VWC2: variants seen among roughly 807,000 people sequenced by gnomAD.
VWC2 encodes von Willebrand factor C domain containing 2, also known as brorin.
In VWC2, 14 loss-of-function variants were observed where a neutral mutation model predicts 29.8. That is an observed-to-expected ratio of 0.47 (90% CI 0.31 to 0.74). The LOEUF (loss-of-function observed/expected upper bound fraction) is 0.74, where lower values mean the gene tolerates loss of function less well. Among genes scored for constraint, VWC2 ranks in the 30% least tolerant of loss-of-function variants. The pLI is 0.05. For synonymous variants in VWC2, 213 were observed against 199.0 expected (o/e 1.07, Z -0.59); for missense variants, 457 against 459.8 (o/e 0.99, Z 0.05).
At chr7:49,877,884 T>C (rs1290482081) in intron 3 of VWC2, among the ~76,000 whole-genome samples, 2 of 152,122 alleles carry the variant, frequency 1.3e-5, no homozygotes, top group Non-Finnish European at 2.9e-5. Flanking sequence ...ATCATCTTCC[T>C]GACCTTGCAT....
chr7:49,822,836 G>A (rs1190803377), intron 3 of VWC2, among the ~76,000 whole-genome samples: 1 of 152,198 alleles, frequency 6.6e-6, no homozygotes, highest in East Asian at 1.9e-4. Flanking sequence ...GTTGTTGCCT[G>A]TATCAGTCCC....
chr7:49,824,231 C>T (rs750986786), intron 3 of VWC2, among the ~76,000 whole-genome samples: 47 of 152,088 alleles, frequency 3.1e-4, no homozygotes, highest in Non-Finnish European at 4.0e-4. Flanking sequence ...GTAATTTTAG[C>T]TCTCAGATTT....
chr7:49,911,932 C>CACACACACACAT (rs1262252383), intron 3 of VWC2, 102 bp from the exon 4 acceptor site: 5 of 846,168 alleles, frequency 5.9e-6, no homozygotes, highest in African/African-American at 1.8e-5. Flanking sequence ...CGCACACACA[C>CACACACACACAT]ACACACACAC....
At chr7:49,906,169 T>C (rs932260738) in intron 3 of VWC2, among the ~76,000 whole-genome samples, 3 of 152,196 alleles carry the variant, frequency 2.0e-5, no homozygotes, top group African/African-American at 7.2e-5. Context: ...CTTTACTCTA[T>C]GGACTCACCC....
intron 2 of VWC2, among the ~76,000 whole-genome samples, chr7:49,795,893 AG>A: frequency 6.6e-6 from 1 of 152,200 alleles, no homozygotes; most frequent in East Asian, 1.9e-4. Context: ...ATAGGGGTTA[AG>A]AACCTCAGTG....
intron 3 of VWC2, among the ~76,000 whole-genome samples, chr7:49,898,602 TAC>T (rs950143512): frequency 2.6e-5 from 4 of 151,938 alleles, no homozygotes; most frequent in Admixed American, 1.3e-4. Flanking sequence ...ATCATAAGCA[TAC>T]ACACACACAT....
Position 49,776,132 on chromosome 7 carries a change from G to C in VWC2, c.696+1G>C. The stretch of plus-strand genomic sequence containing the variant: ...CTATCAGACTTTGGAGGAGTTCGTG[G>C]TAAGATGCGAACGCCCGCCGGGCGA... On this transcript the variant is annotated splice_donor_variant, in intron 2 of 3. Coordinates refer to ENST00000340652, the MANE Select transcript of VWC2 (RefSeq NM_198570.5). LOFTEE classifies it high-confidence loss of function. 1 of 1,510,194 alleles carries C rather than the reference G, an allele frequency of 6.6e-7. No individual in the cohort carries two copies. 93.5% of individuals were successfully genotyped at this position (1,510,194 alleles called of 1,614,324 possible).
chr7:49,777,444 A>T (rs1788076624), intron 2 of VWC2, among the ~76,000 whole-genome samples: 1 of 152,062 alleles, frequency 6.6e-6, no homozygotes. Context: ...GTCAGGAAAC[A>T]TGGTTATTCA....
chr7:49,877,462 CAAAAA>C (rs1169480763), intron 3 of VWC2, among the ~76,000 whole-genome samples: 95 of 7,038 alleles, frequency 0.013, 4 homozygotes, highest in South Asian at 0.041. Flanking sequence ...AACTCTGTCT[CAAAAA>C]AAAAAAAAAA....
chr7:49,844,550 A>G (rs1329959001), intron 3 of VWC2, among the ~76,000 whole-genome samples: 2 of 152,202 alleles, frequency 1.3e-5, no homozygotes, highest in Non-Finnish European at 2.9e-5. Context: ...TGGGCCATAA[A>G]ATTGTAGCAA....
intron 3 of VWC2, among the ~76,000 whole-genome samples, chr7:49,845,434 C>T (rs903951604): frequency 3.3e-5 from 5 of 152,126 alleles, no homozygotes; most frequent in African/African-American, 1.2e-4. Flanking sequence ...TTATTACTAT[C>T]AATATATTAG....
intron 3 of VWC2, among the ~76,000 whole-genome samples, chr7:49,850,192 G>A (rs1790120258): frequency 6.6e-6 from 1 of 152,154 alleles, no homozygotes; most frequent in Non-Finnish European, 1.5e-5. Flanking sequence ...ACAACACAGT[G>A]GTCAGATAGG....
At chr7:49,804,837 T>C (rs1190511939) in intron 3 of VWC2, among the ~76,000 whole-genome samples, 1 of 152,186 alleles carries the variant, frequency 6.6e-6, no homozygotes, top group East Asian at 1.9e-4. Context: ...ACCATCAATA[T>C]ATTTACTTAT....
At chr7:49,826,577 TA>T (rs1309008845) in intron 3 of VWC2, among the ~76,000 whole-genome samples, 9 of 152,228 alleles carry the variant, frequency 5.9e-5, no homozygotes, top group Middle Eastern at 3.4e-3. Context: ...TAGAAAAAAA[TA>T]TTGTCTTAAT....
rs1160310763 is a variant in VWC2, at chr7:49,918,085, A to G, written c.*5900A>G. The G allele has an allele frequency of 2.0e-5, 3 of 152,234 alleles. No homozygotes were observed. Among genetic ancestry groups the G allele is most frequent in the Non-Finnish European group, 4.4e-5 (3 of 68,034 alleles). The allele number at this position is 152,234 out of a possible 1,614,324, so 9.4% of individuals were successfully genotyped here. Reference sequence around the variant, plus strand: ...ATTCTTAAGCAGTCGGTGAATGTATATCATCGGCCAAAAGTTATGCTAGGT... The same window carrying G: ...ATTCTTAAGCAGTCGGTGAATGTATGTCATCGGCCAAAAGTTATGCTAGGT... On this transcript the variant is annotated 3_prime_UTR_variant, in exon 4 of 4. Transcript: ENST00000340652.
rs1383879806 is a variant in VWC2 at position 49,775,685 on chromosome 7, C to T, written c.250C>T (p.Leu84Phe). ...RDWKSKSGRG[L>F]AGREPWSKLK... ...CTGGAAGAGCAAGAGCGGCCGTGGG[C>T]TCGCCGGCCGTGAGCCGTGGAGCAA... The change falls in exon 2 of 4, where the codon CTC becomes TTC. Residue 84 changes from leucine to phenylalanine, a missense_variant. By Grantham distance (22) the Leu-to-Phe change is conservative. Around this residue, in one of 2 missense-constraint regions of VWC2, gnomAD observed 272 missense variants for 202.7 expected, o/e 1.34. Transcript: ENST00000340652. 1 of 1,523,764 alleles carries T rather than the reference C, an allele frequency of 6.6e-7. No individual in the cohort carries two copies. Among genetic ancestry groups the T allele is most frequent in the Non-Finnish European group, 8.8e-7 (1 of 1,138,970 alleles). 94.4% of individuals were successfully genotyped at this position (1,523,764 alleles called of 1,614,324 possible). A position where few individuals can be genotyped will look rare whatever the true frequency, so the allele number is the denominator to read the frequency against.
chr7:49,797,158 CT>C (rs1788610750), intron 2 of VWC2, among the ~76,000 whole-genome samples: 1 of 152,212 alleles, frequency 6.6e-6, no homozygotes, highest in Non-Finnish European at 1.5e-5. Context: ...TATAAAGCCT[CT>C]GCTATGCATG....
At chr7:49,807,930 A>C (rs1263955429) in intron 3 of VWC2, among the ~76,000 whole-genome samples, 2 of 152,166 alleles carry the variant, frequency 1.3e-5, no homozygotes, top group African/African-American at 4.8e-5. Flanking sequence ...CAAAAGAGAG[A>C]AAAGTATAAG....
chr7:49,904,774 C>T (rs1263057172), intron 3 of VWC2, among the ~76,000 whole-genome samples: 5 of 139,940 alleles, frequency 3.6e-5, no homozygotes, highest in Non-Finnish European at 6.0e-5. Context: ...ATCACTCTGT[C>T]GCCCAGGTTG....
Sources: gnomAD v4.1 joint callset for allele counts (sites outside exome capture counted in the v4.1 genomes callset) on GRCh38, gnomAD v4.1.1 for gene constraint, gnomAD v4.1.1 regional missense constraint, MANE v1.5 for transcripts, NCBI Gene and HGNC (gene_info 2026-07-23, HGNC 2026-07-21) for gene names.